SKIC3: variants seen among roughly 807,000 people sequenced by gnomAD.
SKIC3 encodes the protein superkiller complex protein 3.
chr5:95,541,743 T>C, the SKIC3 span: 1 of 1,116,354 alleles, frequency 9.0e-7, no homozygotes, highest in East Asian at 2.4e-5. Flanking sequence ...GGAATACTTC[T>C]ACATGATTTT....
chr5:95,467,917 A>C, the SKIC3 span: 2 of 1,613,540 alleles, frequency 1.2e-6, no homozygotes, highest in African/African-American at 2.7e-5. Context: ...GTAGGTACCA[A>C]CGTGCAGTTG....
the SKIC3 span, among the ~76,000 whole-genome samples, chr5:95,480,979 T>C: frequency 1.1e-4 from 16 of 152,140 alleles, no homozygotes; most frequent in Admixed American, 5.2e-4. Context: ...GAAGATCAAC[T>C]GACAGAGGCC....
chr5:95,493,529 T>C, the SKIC3 span, among the ~76,000 whole-genome samples: 30 of 152,206 alleles, frequency 2.0e-4, 1 homozygote, highest in Middle Eastern at 3.4e-3. Context: ...ATATATAACA[T>C]AGACAAATCA....
the SKIC3 span, chr5:95,529,015 A>G: frequency 1.5e-5 from 24 of 1,613,734 alleles, no homozygotes; most frequent in Non-Finnish European, 1.9e-5. Flanking sequence ...ACTGCATGAA[A>G]GAACAGCTTC....
chr5:95,514,599 C>T, the SKIC3 span, among the ~76,000 whole-genome samples: 2 of 152,104 alleles, frequency 1.3e-5, no homozygotes, highest in East Asian at 1.9e-4. Context: ...TTACAAGCTA[C>T]GTGGCCTTAG....
At chr5:95,510,921 G>A in the SKIC3 span, among the ~76,000 whole-genome samples, 1 of 152,174 alleles carries the variant, frequency 6.6e-6, no homozygotes, top group Admixed American at 6.5e-5. Flanking sequence ...AAATGTATCT[G>A]ATCTAATGTA....
At chr5:95,492,670 A>AC in the SKIC3 span, among the ~76,000 whole-genome samples, 2 of 134,956 alleles carry the variant, frequency 1.5e-5, no homozygotes, top group Non-Finnish European at 3.1e-5. Context: ...AAAAAAAAAA[A>AC]AAAAAAAAAA....
chr5:95,500,670 G>A, the SKIC3 span, among the ~76,000 whole-genome samples: 92 of 152,236 alleles, frequency 6.0e-4, no homozygotes, highest in African/African-American at 2.2e-3. Flanking sequence ...ATCTATCGGT[G>A]AAGATTTAAC....
the SKIC3 span, chr5:95,512,501 G>A: frequency 1.2e-6 from 2 of 1,613,704 alleles, no homozygotes; most frequent in Non-Finnish European, 1.7e-6. Context: ...AAAATAACTT[G>A]TGCTGCTGGA....
chr5:95,546,870 G>A, the SKIC3 span: 7 of 596,450 alleles, frequency 1.2e-5, no homozygotes, highest in African/African-American at 1.1e-4. Context: ...TACCAATACA[G>A]AGAAAGTTAA....
the SKIC3 span, among the ~76,000 whole-genome samples, chr5:95,464,872 C>T: frequency 6.7e-6 from 1 of 149,720 alleles, no homozygotes; most frequent in Non-Finnish European, 1.5e-5. Context: ...AAGCTAACAT[C>T]AGAGAGATGC....
chr5:95,523,322 A>C, the SKIC3 span: 2 of 1,612,554 alleles, frequency 1.2e-6, no homozygotes, highest in South Asian at 2.2e-5. Flanking sequence ...AGCTAAAGCC[A>C]TTTCCTAATA....
chr5:95,506,743 C>G, the SKIC3 span, among the ~76,000 whole-genome samples: 4 of 152,168 alleles, frequency 2.6e-5, no homozygotes, highest in African/African-American at 9.7e-5. Flanking sequence ...TAACTCTGCT[C>G]CACATAAAGC....
the SKIC3 span, among the ~76,000 whole-genome samples, chr5:95,506,281 A>C: frequency 6.6e-6 from 1 of 152,202 alleles, no homozygotes; most frequent in East Asian, 1.9e-4. Context: ...TCCTTAAAAG[A>C]TGTAGCACTA....
At chr5:95,477,547 T>C in the SKIC3 span, among the ~76,000 whole-genome samples, 1 of 151,992 alleles carries the variant, frequency 6.6e-6, no homozygotes, top group African/African-American at 2.4e-5. Flanking sequence ...GACAAAAAAA[T>C]CCAAACACTA....
At chr5:95,520,331 C>G in the SKIC3 span, among the ~76,000 whole-genome samples, 1 of 151,426 alleles carries the variant, frequency 6.6e-6, no homozygotes, top group East Asian at 1.9e-4. Flanking sequence ...TGGCTCTTAC[C>G]ACTGAATGTA....
chr5:95,500,070 G>C, the SKIC3 span, among the ~76,000 whole-genome samples: 1 of 151,896 alleles, frequency 6.6e-6, no homozygotes, highest in African/African-American at 2.4e-5. Flanking sequence ...ATAATGAACA[G>C]ATGTTGTACC....
At chr5:95,516,776 T>C in the SKIC3 span, 2 of 1,608,204 alleles carry the variant, frequency 1.2e-6, no homozygotes, top group Non-Finnish European at 1.7e-6. Flanking sequence ...ATTAGATTAA[T>C]TTTTATTTCT....
chr5:95,466,012 C>G, the SKIC3 span, among the ~76,000 whole-genome samples: 2 of 152,160 alleles, frequency 1.3e-5, no homozygotes, highest in East Asian at 3.8e-4. Flanking sequence ...TGCCTTTCTC[C>G]AAGCATTCTT....
Sources: allele counts gnomAD v4.1 joint callset (sites outside exome capture counted in the v4.1 genomes callset), GRCh38; gene constraint gnomAD v4.1.1; transcripts MANE v1.5; gene names NCBI Gene and HGNC (gene_info 2026-07-23, HGNC 2026-07-21).